BACC1: variants seen among roughly 807,000 people sequenced by gnomAD.
BACC1 encodes BPTF associated chromatin complex component 1.
chr17:7,015,585 G>A, the BACC1 span: 293 of 1,404,320 alleles, frequency 2.1e-4, no homozygotes, highest in Non-Finnish European at 2.6e-4. Flanking sequence ...TTGTGATTGG[G>A]GTCCTCCCGG....
At chr17:7,017,271 G>A in the BACC1 span, 1 of 1,614,046 alleles carries the variant, frequency 6.2e-7, no homozygotes, top group Non-Finnish European at 8.5e-7. Flanking sequence ...CCTGACCCTG[G>A]ATTCTGGCCT....
the BACC1 span, chr17:7,016,432 C>T: frequency 1.3e-4 from 208 of 1,554,118 alleles, 1 homozygote; most frequent in Non-Finnish European, 1.6e-4. Flanking sequence ...CTTCCCCTCC[C>T]GTCCCCTCTT....
At chr17:7,015,906 G>T in the BACC1 span, 1 of 1,583,922 alleles carries the variant, frequency 6.3e-7, no homozygotes, top group African/African-American at 1.3e-5. Flanking sequence ...GAAAAGGGCG[G>T]GTGGGCAGCC....
the BACC1 span, chr17:7,017,193 G>A: frequency 1.9e-6 from 3 of 1,609,156 alleles, no homozygotes; most frequent in Admixed American, 5.0e-5. Flanking sequence ...CAGGGAGGTG[G>A]GAGTGGCCTT....
the BACC1 span, chr17:7,014,930 C>T: frequency 6.7e-7 from 1 of 1,496,246 alleles, no homozygotes; most frequent in Non-Finnish European, 8.9e-7. This position sits in a 1 kb window ranked among gnomAD's most constrained non-coding sequence, Gnocchi z 4.5. Context: ...GAGGGCGGGC[C>T]CCCCACTTGG....
chr17:7,016,477 C>T, the BACC1 span: 1 of 1,610,778 alleles, frequency 6.2e-7, no homozygotes, highest in Non-Finnish European at 8.5e-7. Flanking sequence ...TTCCTAACCT[C>T]TTCTCTCTTT....
chr17:7,016,516 G>A, the BACC1 span: 1 of 1,613,668 alleles, frequency 6.2e-7, no homozygotes, highest in African/African-American at 1.3e-5. Flanking sequence ...AGGCCACTGT[G>A]AAACGCAAGG....
chr17:7,016,839 CTT>C, the BACC1 span: 1 of 1,547,662 alleles, frequency 6.5e-7, no homozygotes, highest in African/African-American at 1.4e-5. Flanking sequence ...AGGCACAAAG[CTT>C]TGGGAAGCTT....
At chr17:7,015,633 C>G in the BACC1 span, 1 of 1,311,376 alleles carries the variant, frequency 7.6e-7, no homozygotes, top group African/African-American at 1.5e-5. Context: ...CCTCCCCTTA[C>G]GGAGGACCTC....
At chr17:7,016,925 C>T in the BACC1 span, 120 of 1,613,738 alleles carry the variant, frequency 7.4e-5, no homozygotes, top group Non-Finnish European at 9.7e-5. Context: ...ACACTCAGTG[C>T]TCTGAACGAC....
At chr17:7,015,729 AC>A in the BACC1 span, 25 of 1,550,376 alleles carry the variant, frequency 1.6e-5, no homozygotes, top group Non-Finnish European at 2.0e-5. Context: ...CGGGCTCCAC[AC>A]CCCCCCTCCC....
At chr17:7,016,938 C>T in the BACC1 span, 127,777 of 1,613,484 alleles carry the variant, frequency 0.079, 8,467 homozygotes, top group Admixed American at 0.35. Flanking sequence ...TGAACGACTC[C>T]GATGCCAACA....
chr17:7,017,265 AC>A, the BACC1 span: 1 of 1,613,854 alleles, frequency 6.2e-7, no homozygotes, highest in African/African-American at 1.3e-5. Context: ...AGACAGCCTG[AC>A]CCTGGATTCT....
chr17:7,016,659 G>A, the BACC1 span: 2 of 1,612,330 alleles, frequency 1.2e-6, no homozygotes, highest in African/African-American at 2.7e-5. Context: ...GAGGCCGGGG[G>A]TCCCCCCATA....
chr17:7,017,322 G>A, the BACC1 span: 2 of 1,610,056 alleles, frequency 1.2e-6, no homozygotes, highest in Non-Finnish European at 1.7e-6. Context: ...CTCCTGCTGA[G>A]CCTTCCACCT....
chr17:7,016,299 T>C, the BACC1 span: 1 of 605,022 alleles, frequency 1.7e-6, no homozygotes, highest in East Asian at 2.8e-5. Flanking sequence ...CACTACTCAG[T>C]TCAGGGACTC....
the BACC1 span, chr17:7,015,752 C>A: frequency 2.5e-6 from 4 of 1,595,544 alleles, no homozygotes; most frequent in Non-Finnish European, 2.6e-6. Context: ...TTTTTGCTAT[C>A]CCCCCTCTCC....
chr17:7,014,988 G>T, the BACC1 span: 3 of 1,428,366 alleles, frequency 2.1e-6, no homozygotes, highest in Non-Finnish European at 2.7e-6. The surrounding 1 kb of genome is among the most constrained non-coding windows in gnomAD (Gnocchi z 4.5). Context: ...AGCCGAGCCT[G>T]GGGTGGGGCT....
the BACC1 span, chr17:7,014,944 G>T: frequency 6.7e-7 from 1 of 1,481,994 alleles, no homozygotes; most frequent in Non-Finnish European, 8.9e-7. The surrounding 1 kb of genome is among the most constrained non-coding windows in gnomAD (Gnocchi z 4.5). Context: ...CACTTGGCTC[G>T]CGGCTCTTCC....
Sources: gnomAD v4.1 joint callset for allele counts on GRCh38, gnomAD v4.1.1 for gene constraint, Gnocchi (gnomAD v3.1) non-coding constraint, MANE v1.5 for transcripts, NCBI Gene and HGNC (gene_info 2026-07-23, HGNC 2026-07-21) for gene names.